CMSS1: variants seen among roughly 807,000 people sequenced by gnomAD.
CMSS1 encodes the protein protein CMSS1.
Under a neutral mutation model 43.5 loss-of-function variants are expected in CMSS1, and 33 were observed. The observed-to-expected ratio is 0.76, with a 90% CI of 0.57 to 1.01. The LOEUF (loss-of-function observed/expected upper bound fraction) is 1.01, where lower values mean the gene tolerates loss of function less well. CMSS1 is among the 50% of genes least tolerant of loss of function. CMSS1 has a pLI of 0.00. For synonymous variants in CMSS1, 115 were observed against 117.2 expected, an observed-to-expected ratio of 0.98 and a Z score of 0.12; for missense variants, 313 against 326.4, an observed-to-expected ratio of 0.96 and a Z score of 0.32.
chr3:100,139,529 ATGTGTGTGTG>A (rs201315535), intron 1 of CMSS1, among the ~76,000 whole-genome samples: 30 of 129,356 alleles, frequency 2.3e-4, no homozygotes, highest in East Asian at 1.6e-3. Context: ...TAAAAAAAAA[ATGTGTGTGTG>A]TGTGTGTGTG....
rs1037026609 is a variant in CMSS1 at position 100,000,569 on chromosome 3, A to G, written c.65-146404A>G. ...AATACTCCTAAAAGTGAAAATTCTGACCAGGCGCAGTAGCTTATGGCTGTA... is the reference window on the plus strand; with the variant it reads ...AATACTCCTAAAAGTGAAAATTCTGGCCAGGCGCAGTAGCTTATGGCTGTA... On this transcript the variant is annotated intron_variant, in intron 1 of 9. Transcript: ENST00000421999. Among the ~76,000 whole-genome samples the G allele has an allele frequency of 1.3e-5, 2 of 152,274 alleles. 1 individual carries two copies. Among genetic ancestry groups the G allele is most frequent in the Admixed American group, 1.3e-4 (2 of 15,296 alleles).
At chr3:100,138,732 C>T (rs960475990) in intron 1 of CMSS1, among the ~76,000 whole-genome samples, 1 of 152,164 alleles carries the variant, frequency 6.6e-6, no homozygotes, top group Non-Finnish European at 1.5e-5. Flanking sequence ...CACTTTTACA[C>T]TGTTGGTGGG....
At chr3:100,035,853 T>G (rs905679091) in intron 1 of CMSS1, among the ~76,000 whole-genome samples, 2 of 152,208 alleles carry the variant, frequency 1.3e-5, no homozygotes, top group Non-Finnish European at 2.9e-5. Flanking sequence ...TCCCCCACAT[T>G]GGATTCTTTG....
chr3:100,060,660 G>A (rs757543914), intron 1 of CMSS1, among the ~76,000 whole-genome samples: 5 of 152,010 alleles, frequency 3.3e-5, no homozygotes, highest in Admixed American at 6.6e-5. Context: ...TTTGAGACCA[G>A]CCTGGGCAAT....
intron 1 of CMSS1, chr3:100,041,364 G>A (rs939525079): frequency 6.6e-6 from 1 of 152,092 alleles, no homozygotes; most frequent in Non-Finnish European, 1.5e-5. Flanking sequence ...GTAACTTCAG[G>A]TCTGTGAAGC....
In CMSS1 at chr3:99,947,817, A is replaced by G. The variant is rs9831309; in HGVS notation, c.64+129774A>G. Among the ~76,000 whole-genome samples, 767 of 152,336 alleles carry G rather than the reference A, an allele frequency of 5.0e-3. 6 individuals carry two copies. Among genetic ancestry groups the G allele is most frequent in the African/African-American group, 0.017 (722 of 41,592 alleles). ...CTAGGCCCTGAAAGTTGAGAATTTGAAAATGAAATAAGAATTTAGAATATT... is the reference window on the plus strand; with the variant it reads ...CTAGGCCCTGAAAGTTGAGAATTTGGAAATGAAATAAGAATTTAGAATATT... On this transcript the variant is annotated intron_variant, in intron 1 of 9. Transcript: ENST00000421999.
intron 1 of CMSS1, among the ~76,000 whole-genome samples, chr3:99,983,181 A>G (rs1220273738): frequency 2.0e-5 from 3 of 151,616 alleles, no homozygotes; most frequent in Non-Finnish European, 2.9e-5. Flanking sequence ...GGATATTGTT[A>G]TCTAACTTCT....
intron 1 of CMSS1, among the ~76,000 whole-genome samples, chr3:99,839,044 C>G (rs1559650864): frequency 6.6e-6 from 1 of 152,116 alleles, no homozygotes; most frequent in Non-Finnish European, 1.5e-5. Context: ...CCTGCCTGCC[C>G]CCACACCTTT....
intron 1 of CMSS1, among the ~76,000 whole-genome samples, chr3:99,935,629 G>C (rs1271042030): frequency 3.3e-5 from 5 of 152,226 alleles, no homozygotes; most frequent in Non-Finnish European, 5.9e-5. Flanking sequence ...CTCACCCCCT[G>C]ATGGATCCCG....
At chr3:99,820,322 G>T (rs1323155707) in intron 1 of CMSS1, among the ~76,000 whole-genome samples, 1 of 150,222 alleles carries the variant, frequency 6.7e-6, no homozygotes, top group African/African-American at 2.5e-5. Context: ...TCAGCCTCCC[G>T]AGTAGTTGGG....
intron 1 of CMSS1, among the ~76,000 whole-genome samples, chr3:100,027,612 A>G (rs2064950685): frequency 1.3e-5 from 2 of 152,192 alleles, no homozygotes; most frequent in South Asian, 4.1e-4. Context: ...ATACATGCTT[A>G]TTGTTTTGTG....
At chr3:99,990,182 G>A (rs1709471745) in intron 1 of CMSS1, among the ~76,000 whole-genome samples, 1 of 152,164 alleles carries the variant, frequency 6.6e-6, no homozygotes, top group African/African-American at 2.4e-5. Context: ...AAAACAGAAA[G>A]GCTAGTCCTA....
chr3:100,102,027 A>G (rs1350463175), intron 1 of CMSS1, among the ~76,000 whole-genome samples: 2 of 152,162 alleles, frequency 1.3e-5, no homozygotes, highest in Admixed American at 6.5e-5. Flanking sequence ...TCATTGTTGG[A>G]CATTTGGCTT....
At chr3:99,884,279 C>G (rs1323812079) in intron 1 of CMSS1, among the ~76,000 whole-genome samples, 1 of 152,082 alleles carries the variant, frequency 6.6e-6, no homozygotes, top group African/African-American at 2.4e-5. Context: ...TCTTCTCTCC[C>G]TTTTTATTTA....
intron 4 of CMSS1, among the ~76,000 whole-genome samples, chr3:100,162,941 C>G (rs1211323641): frequency 6.6e-6 from 1 of 152,088 alleles, no homozygotes; most frequent in Non-Finnish European, 1.5e-5. Flanking sequence ...CGCCATTGCA[C>G]TCCAGCCTGG....
chr3:99,851,996 A>G (rs1036431456), intron 1 of CMSS1, among the ~76,000 whole-genome samples: 5 of 152,234 alleles, frequency 3.3e-5, no homozygotes, highest in African/African-American at 1.2e-4. Context: ...AAACTCTGTT[A>G]TCAGGAACAT....
intron 1 of CMSS1, among the ~76,000 whole-genome samples, chr3:99,948,854 T>C (rs1384714569): frequency 6.6e-6 from 1 of 152,070 alleles, no homozygotes; most frequent in African/African-American, 2.4e-5. Flanking sequence ...GATCTGGAGA[T>C]TGATTTGCCC....
intron 1 of CMSS1, among the ~76,000 whole-genome samples, chr3:100,102,059 T>G (rs1027453537): frequency 6.6e-6 from 1 of 152,228 alleles, no homozygotes; most frequent in Non-Finnish European, 1.5e-5. Context: ...TTTGCTATTG[T>G]GAATAGTGCC....
intron 1 of CMSS1, chr3:99,851,131 C>A (rs1943676499): frequency 1.6e-6 from 2 of 1,288,072 alleles, no homozygotes; most frequent in Admixed American, 2.4e-5. Context: ...ATCGAATGTA[C>A]TTAAATATAT....
Sources: gnomAD v4.1 joint callset for allele counts (sites outside exome capture counted in the v4.1 genomes callset) on GRCh38, gnomAD v4.1.1 for gene constraint, MANE v1.5 for transcripts, NCBI Gene and HGNC (gene_info 2026-07-23, HGNC 2026-07-21) for gene names.